MSRB3: variants seen among roughly 807,000 people sequenced by gnomAD.
MSRB3 encodes methionine-R-sulfoxide reductase B3.
A neutral mutation model predicts 21.0 loss-of-function variants in MSRB3; 13 were observed. The ratio of observed to expected loss-of-function variants is 0.62; its 90% CI spans 0.40 to 0.98. MSRB3 has a LOEUF of 0.98. Among genes scored for constraint, MSRB3 ranks in the 50% least tolerant of loss-of-function variants. The pLI is 0.00. For missense variants in MSRB3, 199 were observed against 230.3 expected (o/e 0.86, Z 0.88); for synonymous variants, 87 against 88.6 (o/e 0.98, Z 0.10).
At chr12:65,369,110 T>TC in intron 5 of MSRB3, 84 bp downstream of exon 5, 1 of 1,067,292 alleles carries the variant, frequency 9.4e-7, no homozygotes, top group Non-Finnish European at 1.4e-6. Flanking sequence ...CAAGAACCAT[T>TC]TTGATTTTAA....
chr12:65,428,567 TTAAG>T (rs1881721816), intron 5 of MSRB3, among the ~76,000 whole-genome samples: 2 of 152,206 alleles, frequency 1.3e-5, no homozygotes, highest in African/African-American at 4.8e-5. Context: ...CCTTCCTTAA[TTAAG>T]TGAGTTTTTA....
chr12:65,392,486 G>A (rs191802366), intron 5 of MSRB3, among the ~76,000 whole-genome samples: 1 of 152,300 alleles, frequency 6.6e-6, no homozygotes, highest in Admixed American at 6.5e-5. Context: ...CACAATTTAT[G>A]GCTAGTCCTT....
At chr12:65,343,804 C>T (rs1876305436) in intron 4 of MSRB3, among the ~76,000 whole-genome samples, 1 of 152,020 alleles carries the variant, frequency 6.6e-6, no homozygotes, top group Non-Finnish European at 1.5e-5. Context: ...GCTGATTCTT[C>T]TTTTTGCTGA....
chr12:65,427,781 A>G (rs1465105151), intron 5 of MSRB3, among the ~76,000 whole-genome samples: 1 of 152,226 alleles, frequency 6.6e-6, no homozygotes, highest in East Asian at 1.9e-4. Context: ...GTGTAGTTAC[A>G]GTGGTTTTGG....
chr12:65,375,105 G>C (rs1022727482), intron 5 of MSRB3, among the ~76,000 whole-genome samples: 1 of 150,292 alleles, frequency 6.7e-6, no homozygotes, highest in South Asian at 2.1e-4. Flanking sequence ...TCGGCCTCCC[G>C]AAGTGCTGGG....
intron 6 of MSRB3, among the ~76,000 whole-genome samples, chr12:65,459,602 T>G (rs927837110): frequency 1.3e-5 from 2 of 152,228 alleles, no homozygotes; most frequent in Non-Finnish European, 2.9e-5. Context: ...GCTTTTCTTC[T>G]TAAAACTTTT....
At chr12:65,441,004 A>G (rs559206734) in intron 5 of MSRB3, among the ~76,000 whole-genome samples, 2 of 151,702 alleles carry the variant, frequency 1.3e-5, no homozygotes, top group South Asian at 4.2e-4. Context: ...TAGGTCATGG[A>G]TTATATTATG....
chr12:65,422,399 TA>T, intron 5 of MSRB3, among the ~76,000 whole-genome samples: 1 of 29,138 alleles, frequency 3.4e-5, no homozygotes, highest in East Asian at 1.2e-3. Context: ...TATATATATA[TA>T]TATATATATA....
intron 5 of MSRB3, among the ~76,000 whole-genome samples, chr12:65,405,444 GAT>G (rs963649973): frequency 1.3e-5 from 2 of 149,430 alleles, no homozygotes; most frequent in East Asian, 1.9e-4. Flanking sequence ...TATCATATAT[GAT>G]ATATATATAT....
At position 65,279,064 on chromosome 12, in the gene MSRB3, GGAA is replaced by G. The variant is rs1428237015; in HGVS notation, c.-52+201_-52+203del. The G allele has an allele frequency of 2.1e-6, 3 of 1,419,608 alleles. No homozygotes were observed. The African/African-American group carries it at 4.4e-5, about 21-fold the overall frequency. The allele number at this position is 1,419,608 out of a possible 1,614,324, so 87.9% of individuals were successfully genotyped here. The stretch of plus-strand genomic sequence containing the variant: ...CCGCGCCAGCGGTGAGGGGCCGAAC[GGAA>G]GGAGGTCAGGGCTGGTTTCCCCCCA... On this transcript the variant is annotated intron_variant, in intron 1 of 6. Transcript: ENST00000308259.
At chr12:65,413,631 T>G (rs966292748) in intron 5 of MSRB3, among the ~76,000 whole-genome samples, 3 of 152,232 alleles carry the variant, frequency 2.0e-5, no homozygotes, top group Non-Finnish European at 4.4e-5. Context: ...TCACTGTTAT[T>G]GGTGCTTGAT....
chr12:65,441,698 TGACAAAATA>T (rs1337169834), intron 5 of MSRB3, among the ~76,000 whole-genome samples: 1 of 151,960 alleles, frequency 6.6e-6, no homozygotes, highest in Admixed American at 6.6e-5. Context: ...GATACATATG[TGACAAAATA>T]GAGCATTGGG....
intron 5 of MSRB3, among the ~76,000 whole-genome samples, chr12:65,408,119 G>A (rs542687107): frequency 1.3e-5 from 2 of 151,846 alleles, no homozygotes; most frequent in South Asian, 4.2e-4. Context: ...TTTTAAGATG[G>A]TGTCTTACTC....
At chr12:65,422,439 T>TATATA (rs1881374137) in intron 5 of MSRB3, among the ~76,000 whole-genome samples, 1 of 141,568 alleles carries the variant, frequency 7.1e-6, no homozygotes, top group Non-Finnish European at 1.5e-5. Context: ...TATTTATTTA[T>TATATA]TTATTTATGG....
At chr12:65,316,744 T>C (rs1874324797) in intron 2 of MSRB3, among the ~76,000 whole-genome samples, 1 of 152,188 alleles carries the variant, frequency 6.6e-6, no homozygotes, top group African/African-American at 2.4e-5. Flanking sequence ...CTTGAAGGTT[T>C]GACGATTCTA....
chr12:65,384,727 A>G (rs1879121873), intron 5 of MSRB3, among the ~76,000 whole-genome samples: 1 of 152,188 alleles, frequency 6.6e-6, no homozygotes, highest in African/African-American at 2.4e-5. Context: ...CTTTTGTGAT[A>G]TTCTTAAATA....
intron 1 of MSRB3, among the ~76,000 whole-genome samples, chr12:65,306,393 G>T (rs7306067): frequency 0.086 from 13,146 of 152,148 alleles, 1,950 homozygotes; most frequent in African/African-American, 0.3. Context: ...TTTAGAACTG[G>T]TTTTCACTTT....
At chr12:65,412,061 C>T (rs961268041) in intron 5 of MSRB3, among the ~76,000 whole-genome samples, 9 of 152,104 alleles carry the variant, frequency 5.9e-5, no homozygotes, top group African/African-American at 2.2e-4. Context: ...ACCGCACTTC[C>T]TATGACTATA....
At chr12:65,371,270 G>T (rs1878302200) in intron 5 of MSRB3, among the ~76,000 whole-genome samples, 1 of 146,114 alleles carries the variant, frequency 6.8e-6, no homozygotes, top group Non-Finnish European at 1.5e-5. Context: ...AGAGGTTGCA[G>T]TGAGCCGAAA....
Sources: allele counts gnomAD v4.1 joint callset (sites outside exome capture counted in the v4.1 genomes callset), GRCh38; gene constraint gnomAD v4.1.1; transcripts MANE v1.5; gene names NCBI Gene and HGNC (gene_info 2026-07-23, HGNC 2026-07-21).